PAXIP1: variants seen among roughly 807,000 people sequenced by gnomAD.
PAXIP1 encodes the protein PAX interacting protein 1, also known as PAX-interacting protein 1.
PAXIP1 carries 19 observed loss-of-function variants against 140.6 expected under a neutral mutation model. The ratio of observed to expected loss-of-function variants is 0.14; its 90% CI spans 0.09 to 0.20. PAXIP1 has a LOEUF of 0.20. PAXIP1 is among the 10% of genes least tolerant of loss of function. The probability of loss-of-function intolerance (pLI) is 1.00; values close to 1 mark genes in which losing one functional copy is unlikely to be tolerated. For synonymous variants in PAXIP1, 442 were observed against 444.6 expected, an observed-to-expected ratio of 0.99 and a Z score of 0.07; for missense variants, 920 against 1,208.6, an observed-to-expected ratio of 0.76 and a Z score of 3.54.
intron 5 of PAXIP1, among the ~76,000 whole-genome samples, chr7:154,977,990 A>ACTTT (rs1563379932): frequency 6.3e-4 from 96 of 151,308 alleles, no homozygotes; most frequent in African/African-American, 2.2e-3. Flanking sequence ...CGCAGACCAA[A>ACTTT]TTAGAGACTA....
At chr7:154,987,885 C>CA (rs1810148329) in intron 4 of PAXIP1, among the ~76,000 whole-genome samples, 1 of 152,192 alleles carries the variant, frequency 6.6e-6, no homozygotes, top group African/African-American at 2.4e-5. Flanking sequence ...CTCCATTTGT[C>CA]AAAACTCCAG....
rs1485732249 is a variant in PAXIP1, at chr7:155,003,001, G to T, written c.-72C>A. 2 of 595,024 alleles carry T rather than the reference G, an allele frequency of 3.4e-6. No individual in the cohort carries two copies. Among genetic ancestry groups the T allele is most frequent in the Non-Finnish European group, 4.0e-6 (2 of 495,942 alleles). 36.9% of individuals were successfully genotyped at this position (595,024 alleles called of 1,614,324 possible). On this transcript the variant is annotated 5_prime_UTR_variant, in exon 1 of 21. Transcript: ENST00000404141. Reference sequence around the variant, plus strand: ...ACCCCCCGCCCCCGGCCCCCGCGGCGCCCGGCGCCCCCACTCGCCCCGCCA... The same window carrying T: ...ACCCCCCGCCCCCGGCCCCCGCGGCTCCCGGCGCCCCCACTCGCCCCGCCA...
In PAXIP1 at chr7:154,975,826, G is replaced by A. The variant is rs768328980; in HGVS notation, c.944C>T (p.Ala315Val). ...PPEVRGNLMAAGQNLQSSERS... is the reference protein window; with the variant it reads ...PPEVRGNLMAVGQNLQSSERS... ...TTCAGAACTTTGGAGGTTTTGTCCA[G>A]CAGCCATTAAATTACCCCGGACCTC... Residue 315 changes from alanine (A) to valine (V), a missense_variant, in exon 6 of 21, where the codon GCT becomes GTT. Coordinates refer to ENST00000404141, the MANE Select transcript of PAXIP1 (RefSeq NM_007349.4). 3.7e-6 allele frequency: 6 copies of A among 1,613,282 alleles called. No individual in the cohort carries two copies. The highest frequency in any genetic ancestry group is 4.2e-6 in the Non-Finnish European group (5 of 1,179,812).
rs1309808163 is a variant in PAXIP1 at position 154,968,915 on chromosome 7, T to A, written c.1286A>T (p.Gln429Leu). 4 of 1,311,078 alleles carry A rather than the reference T, an allele frequency of 3.1e-6. No homozygotes were observed. The highest frequency in any genetic ancestry group is 4.3e-6 in the Non-Finnish European group (4 of 928,808). 81.2% of individuals were successfully genotyped at this position (1,311,078 alleles called of 1,614,324 possible). ...LQPQQIMQLQ[Q>L]QQQQQISQQP... ...CTGAGAGATCTGCTGCTGCTGCTGC[T>A]GCTGGAGCTGCATTATCTGCTGGGG... The change falls in exon 7 of 21, where the codon CAG becomes CTG. Residue 429 changes from glutamine to leucine, a missense_variant. By Grantham distance (113) the Gln-to-Leu change is moderately radical. Around this residue, in one of 5 missense-constraint regions of PAXIP1, gnomAD observed 133 missense variants for 88.4 expected, o/e 1.50. Coordinates refer to ENST00000404141, the MANE Select transcript of PAXIP1 (RefSeq NM_007349.4).
intron 4 of PAXIP1, among the ~76,000 whole-genome samples, chr7:154,985,121 C>T (rs191451376): frequency 5.9e-5 from 9 of 152,252 alleles, no homozygotes; most frequent in East Asian, 5.8e-4. Flanking sequence ...TCTCCACCAG[C>T]GTAATTAAGA....
intron 4 of PAXIP1, among the ~76,000 whole-genome samples, chr7:154,984,324 A>G (rs1353924851): frequency 1.3e-5 from 2 of 152,248 alleles, no homozygotes; most frequent in Non-Finnish European, 2.9e-5. Context: ...CATTAATTCT[A>G]AGATAATCAT....
At chr7:155,003,168 G>T (rs903082652), upstream of PAXIP1, 13 of 150,708 alleles carry the variant, frequency 8.6e-5, no homozygotes, top group Non-Finnish European at 1.6e-4. Flanking sequence ...TCCCGCCCCG[G>T]CCACCGAGGG....
chr7:154,989,848 A>T (rs1357433855), intron 4 of PAXIP1, among the ~76,000 whole-genome samples: 1 of 152,174 alleles, frequency 6.6e-6, no homozygotes, highest in East Asian at 1.9e-4. Context: ...AGTTTTCATA[A>T]AACAGAATTC....
At chr7:154,964,615 T>C (rs889923640) in intron 8 of PAXIP1, 2 of 152,326 alleles carry the variant, frequency 1.3e-5, no homozygotes, top group South Asian at 2.1e-4. Flanking sequence ...CAATTATTAA[T>C]ATATTCCAAC....
intron 16 of PAXIP1, chr7:154,948,300 C>A: frequency 6.7e-6 from 2 of 298,210 alleles, no homozygotes; most frequent in Non-Finnish European, 1.3e-5. Context: ...AATTCCAGCA[C>A]TTTGGGAAGC....
chr7:154,993,617 A>T (rs118014161), intron 3 of PAXIP1, 109 bp downstream of exon 3: 1 of 818,498 alleles, frequency 1.2e-6, no homozygotes, highest in Non-Finnish European at 2.0e-6. Context: ...TAGACAAAAC[A>T]ATCTGTCCTA....
At chr7:154,948,400 A>G (rs2150738141) in intron 16 of PAXIP1, 2 of 188,832 alleles carry the variant, frequency 1.1e-5, no homozygotes, top group East Asian at 1.4e-4. Flanking sequence ...TTTTAAAATC[A>G]GCTTGGCATG....
intron 5 of PAXIP1, among the ~76,000 whole-genome samples, chr7:154,977,125 G>A (rs1026692527): frequency 6.6e-6 from 1 of 152,168 alleles, no homozygotes; most frequent in Non-Finnish European, 1.5e-5. Context: ...GAAAAGATGT[G>A]TCCGGAGTAG....
At chr7:154,960,005 T>C in intron 12 of PAXIP1, 72 bp from the exon 13 acceptor site, 1 of 944,178 alleles carries the variant, frequency 1.1e-6, no homozygotes, top group African/African-American at 1.6e-5. Flanking sequence ...TATAAAAGTC[T>C]TCCCTGATAA....
intron 2 of PAXIP1, among the ~76,000 whole-genome samples, chr7:154,998,236 G>A (rs1030112397): frequency 1.3e-5 from 2 of 152,178 alleles, no homozygotes; most frequent in South Asian, 2.1e-4. Flanking sequence ...GGGCCAGCAC[G>A]GTGGCTCATG....
chr7:154,972,126 T>C (rs1041976060), intron 6 of PAXIP1, among the ~76,000 whole-genome samples: 1 of 152,084 alleles, frequency 6.6e-6, no homozygotes, highest in African/African-American at 2.4e-5. Flanking sequence ...AAGTAAATTA[T>C]TTTGTCTCTA....
Position 154,963,706 on chromosome 7 carries a change from G to C in PAXIP1, c.1954C>G (p.Leu652Val). Reference protein sequence around the residue: ...PTFTSRCTHLLCESQVSSAYA... With the variant: ...PTFTSRCTHLVCESQVSSAYA... Reference sequence around the variant, plus strand: ...GCGCTGCTGACTTGACTCTCACAGAGAAGGTGCGTGCATCGACTCGTGAAG... The same window carrying C: ...GCGCTGCTGACTTGACTCTCACAGACAAGGTGCGTGCATCGACTCGTGAAG... The change falls in exon 9 of 21, where the codon CTC becomes GTC. Residue 652 changes from leucine (L) to valine (V), a missense_variant. Coordinates refer to ENST00000404141, the MANE Select transcript of PAXIP1 (RefSeq NM_007349.4). This position sits in a 1 kb window ranked among gnomAD's most constrained non-coding sequence, Gnocchi z 4.1. 1.9e-6 allele frequency: 3 copies of C among 1,613,692 alleles called. No individual in the cohort carries two copies. Among genetic ancestry groups the C allele is most frequent in the Non-Finnish European group, 1.7e-6 (2 of 1,179,776 alleles).
At chr7:154,977,134 A>G (rs1164058449) in intron 5 of PAXIP1, among the ~76,000 whole-genome samples, 6 of 152,236 alleles carry the variant, frequency 3.9e-5, no homozygotes, top group Non-Finnish European at 5.9e-5. Context: ...TGTCCGGAGT[A>G]GTATGTTCGG....
chr7:154,960,136 A>G (rs1202910187), intron 12 of PAXIP1, among the ~76,000 whole-genome samples: 2 of 152,242 alleles, frequency 1.3e-5, no homozygotes, highest in African/African-American at 4.8e-5. Flanking sequence ...TTCGTTTCAC[A>G]TGCTGTCTGG....
Sources: allele counts gnomAD v4.1 joint callset (sites outside exome capture counted in the v4.1 genomes callset), GRCh38; gene constraint gnomAD v4.1.1; regional missense constraint gnomAD v4.1.1; non-coding constraint Gnocchi (gnomAD v3.1); transcripts MANE v1.5; gene names NCBI Gene and HGNC (gene_info 2026-07-23, HGNC 2026-07-21).